The following MYO16 variants were observed in gnomAD, a reference collection of about 807,000 sequenced individuals.
MYO16 encodes the protein myosin XVI, also known as unconventional myosin-XVI.
MYO16 carries 94 observed loss-of-function variants against 205.3 expected under a neutral mutation model. That is an observed-to-expected ratio of 0.46 (90% CI 0.39 to 0.54). The LOEUF (loss-of-function observed/expected upper bound fraction) is 0.54, where lower values mean the gene tolerates loss of function less well. Ranked by LOEUF, MYO16 falls within the 20% of genes least tolerant of loss-of-function variation. The pLI is 0.00. For missense variants in MYO16, 2,315 were observed against 2,387.5 expected, an observed-to-expected ratio of 0.97 and a Z score of 0.63; for synonymous variants, 988 against 954.0, an observed-to-expected ratio of 1.04 and a Z score of -0.66.
chr13:109,010,707 G>C (rs918844583), intron 22 of MYO16, among the ~76,000 whole-genome samples: 1 of 152,078 alleles, frequency 6.6e-6, no homozygotes, highest in Non-Finnish European at 1.5e-5. Flanking sequence ...GTGTAAGTTT[G>C]TATGTGAACC....
At chr13:108,580,467 G>C in the MYO16 span, among the ~76,000 whole-genome samples, 1 of 152,156 alleles carries the variant, frequency 6.6e-6, no homozygotes, top group Admixed American at 6.5e-5. Context: ...ATTAATTTTA[G>C]TGTTCCTAGT....
intron 23 of MYO16, among the ~76,000 whole-genome samples, chr13:109,040,669 A>G (rs1886858241): frequency 6.6e-6 from 1 of 152,202 alleles, no homozygotes; most frequent in Non-Finnish European, 1.5e-5. Context: ...ACATCCAGTC[A>G]TGATAAAAAT....
At chr13:109,065,572 G>C in intron 27 of MYO16, 1 of 475,336 alleles carries the variant, frequency 2.1e-6, no homozygotes, top group South Asian at 1.6e-5. Flanking sequence ...GCTTTGAAAA[G>C]TCCCTACAGG....
At chr13:108,590,710 C>T in the MYO16 span, among the ~76,000 whole-genome samples, 5 of 152,076 alleles carry the variant, frequency 3.3e-5, no homozygotes, top group African/African-American at 1.2e-4. Flanking sequence ...GAGAGAAGGC[C>T]TTGTGAAGAC....
At chr13:108,690,947 G>A (rs1882871955) in intron 2 of MYO16, among the ~76,000 whole-genome samples, 1 of 152,146 alleles carries the variant, frequency 6.6e-6, no homozygotes, top group Non-Finnish European at 1.5e-5. Context: ...ATACCTAACT[G>A]TGATGTAACT....
At chr13:109,122,237 C>A (rs1876024368) in intron 29 of MYO16, among the ~76,000 whole-genome samples, 1 of 152,172 alleles carries the variant, frequency 6.6e-6, no homozygotes, top group Non-Finnish European at 1.5e-5. Context: ...GAAAACTTCC[C>A]TTAAATATAA....
At position 108,616,747 on chromosome 13, in the gene MYO16, G is replaced by A. The variant is rs568320757; in HGVS notation, c.-39+20508G>A. On this transcript the variant is annotated intron_variant, in intron 1 of 24. Transcript: ENST00000251041. ...TGTTAGAATCCATCAGTAAGTCAAA[G>A]CAGTACAAAAGTGTAGAAAGAAAGG... 1.5e-3 allele frequency among the ~76,000 whole-genome samples: 232 copies of A among 152,170 alleles called. 2 individuals carry two copies. The highest frequency in any genetic ancestry group is 5.3e-3 in the African/African-American group (220 of 41,518).
chr13:109,142,888 C>A (rs1183973121), intron 32 of MYO16, among the ~76,000 whole-genome samples: 1 of 152,080 alleles, frequency 6.6e-6, no homozygotes, highest in African/African-American at 2.4e-5. Flanking sequence ...GTCGTTAAAT[C>A]CCTGCTTTCA....
chr13:109,196,018 G>A (rs140499610), intron 34 of MYO16, among the ~76,000 whole-genome samples: 3 of 152,166 alleles, frequency 2.0e-5, no homozygotes, highest in African/African-American at 7.2e-5. Context: ...TTTCACCCAG[G>A]TTGTGAGAGA....
At chr13:109,180,373 A>G (rs1359750444) in intron 34 of MYO16, among the ~76,000 whole-genome samples, 5 of 152,370 alleles carry the variant, frequency 3.3e-5, no homozygotes, top group African/African-American at 1.2e-4. Flanking sequence ...TTTAAAATAT[A>G]TAATGTTGCA....
chr13:108,570,888 G>A, the MYO16 span, among the ~76,000 whole-genome samples: 1 of 152,096 alleles, frequency 6.6e-6, no homozygotes, highest in East Asian at 1.9e-4. Context: ...CCTTTGGGAT[G>A]GCCATTATTT....
In MYO16 at chr13:108,923,507, G is replaced by A. The variant is rs76967492; in HGVS notation, c.1925+13357G>A. Among the ~76,000 whole-genome samples, 9 of 152,320 alleles carry A rather than the reference G, an allele frequency of 5.9e-5. 1 individual carries two copies. Among genetic ancestry groups the A allele is most frequent in the Middle Eastern group, 6.8e-3 (2 of 294 alleles). On this transcript the variant is annotated intron_variant, in intron 16 of 34. Coordinates refer to ENST00000457511, the MANE Select transcript of MYO16 (RefSeq NM_001198950.3). ...CAGTGGGGTTTCCCACACAGCAGGCGCTGCCTGGACAGCGAGGAAGGAGAA... is the reference window on the plus strand; with the variant it reads ...CAGTGGGGTTTCCCACACAGCAGGCACTGCCTGGACAGCGAGGAAGGAGAA...
chr13:108,783,981 A>G (rs1259824699), intron 4 of MYO16, among the ~76,000 whole-genome samples: 3 of 152,154 alleles, frequency 2.0e-5, no homozygotes, highest in Non-Finnish European at 4.4e-5. Context: ...TTCTACAGAC[A>G]ATAGTGATGT....
At chr13:109,165,410 A>C (rs1035612694) in intron 33 of MYO16, among the ~76,000 whole-genome samples, 2 of 152,244 alleles carry the variant, frequency 1.3e-5, no homozygotes, top group African/African-American at 4.8e-5. Flanking sequence ...GGAAAATAAT[A>C]TTAAAGAAAT....
intron 4 of MYO16, among the ~76,000 whole-genome samples, chr13:108,752,647 C>CTT (rs551153441): frequency 1.6e-4 from 22 of 135,812 alleles, no homozygotes; most frequent in African/African-American, 6.0e-4. Context: ...TTTTTCTTTT[C>CTT]TTTTTTTTTT....
At chr13:108,681,957 C>A (rs562357127) in intron 2 of MYO16, among the ~76,000 whole-genome samples, 1 of 152,330 alleles carries the variant, frequency 6.6e-6, no homozygotes, top group South Asian at 2.1e-4. Flanking sequence ...ACAGCGGCAT[C>A]CTCCTCATCT....
chr13:108,805,551 G>GT lies in MYO16; in HGVS notation c.742-1119dup, dbSNP rs557957592. ...TGGCATTGATTTTACTACTTTTAAG[G>GT]TTTTTTTTTCTTTCTTTTCTGATAG... On this transcript the variant is annotated intron_variant, in intron 6 of 34. Coordinates refer to ENST00000457511, the MANE Select transcript of MYO16 (RefSeq NM_001198950.3). Among the ~76,000 whole-genome samples the GT allele has an allele frequency of 2.3e-3, 344 of 150,588 alleles. 1 individual carries two copies. The highest frequency in any genetic ancestry group is 7.0e-3 in the African/African-American group (287 of 41,052).
intron 15 of MYO16, among the ~76,000 whole-genome samples, chr13:108,908,030 A>G (rs1044646888): frequency 1.3e-5 from 2 of 152,226 alleles, no homozygotes; most frequent in African/African-American, 4.8e-5. Flanking sequence ...TTAATATTAA[A>G]CAGAAAATGT....
intron 4 of MYO16, among the ~76,000 whole-genome samples, chr13:108,770,239 TA>T (rs1205370281): frequency 1.3e-5 from 2 of 152,152 alleles, no homozygotes; most frequent in African/African-American, 4.8e-5. Flanking sequence ...TCTGAACACA[TA>T]AAAAATAAAC....
Sources: gnomAD v4.1 joint callset for allele counts (sites outside exome capture counted in the v4.1 genomes callset) on GRCh38, gnomAD v4.1.1 for gene constraint, MANE v1.5 for transcripts, NCBI Gene and HGNC (gene_info 2026-07-23, HGNC 2026-07-21) for gene names.